The following COG3 variants were observed in gnomAD, a reference collection of about 807,000 sequenced individuals.
COG3 encodes conserved oligomeric Golgi complex subunit 3.
Under a neutral mutation model 114.1 loss-of-function variants are expected in COG3, and 32 were observed. That is an observed-to-expected ratio of 0.28 (90% CI 0.21 to 0.38). The LOEUF (loss-of-function observed/expected upper bound fraction) is 0.38, where lower values mean the gene tolerates loss of function less well. Ranked by LOEUF, COG3 falls within the 10% of genes least tolerant of loss-of-function variation. The pLI is 1.00. For missense variants in COG3, 813 were observed against 973.2 expected (o/e 0.84, Z 2.19); for synonymous variants, 352 against 365.7 (o/e 0.96, Z 0.43).
intron 1 of COG3, 106 bp downstream of exon 1, chr13:45,465,316 A>C (rs1885066594): frequency 1.4e-6 from 2 of 1,446,736 alleles, no homozygotes; most frequent in Non-Finnish European, 1.8e-6. Flanking sequence ...ATATCTCTCC[A>C]CTCCTCCCTG....
rs1873513615 is a variant in COG3, at chr13:45,535,789, AT to A, written c.*1060del. On this transcript the variant is annotated 3_prime_UTR_variant, in exon 23 of 23. Coordinates refer to ENST00000349995, the MANE Select transcript of COG3 (RefSeq NM_031431.4). Reference sequence around the variant, plus strand: ...TACCACACCATATCAGGGATCATAAATTATGCATATCTATGAATTTTCCAAC... The same window carrying A: ...TACCACACCATATCAGGGATCATAAATATGCATATCTATGAATTTTCCAAC... 3.0e-6 allele frequency: 3 copies of A among 987,626 alleles called. No homozygotes were observed. Among genetic ancestry groups the A allele is most frequent in the Middle Eastern group, 2.8e-4 (1 of 3,544 alleles). 61.2% of individuals were successfully genotyped at this position (987,626 alleles called of 1,614,324 possible). A position where few individuals can be genotyped will look rare whatever the true frequency, so the allele number is the denominator to read the frequency against.
chr13:45,486,527 C>G lies in COG3; in HGVS notation c.876C>G (p.Ala292=). 1 of 1,611,106 alleles carries G rather than the reference C, an allele frequency of 6.2e-7. No homozygotes were observed. The highest frequency in any genetic ancestry group is 1.1e-5 in the South Asian group (1 of 91,014). Reference sequence around the variant, plus strand: ...CATCTGTACCTAATGCAGACAATGCCTTCACATTATTTTATGTGAAATTTC... The same window carrying G: ...CATCTGTACCTAATGCAGACAATGCGTTCACATTATTTTATGTGAAATTTC... The part of the protein sequence containing the change: ...DPSSVPNADN[A]FTLFYVKFRA... The change falls in exon 8 of 23, where the codon GCC becomes GCG. Residue 292 remains alanine, a synonymous_variant. Coordinates refer to ENST00000349995, the MANE Select transcript of COG3 (RefSeq NM_031431.4).
At chr13:45,511,668 C>T in intron 15 of COG3, 97 bp from the exon 16 acceptor site, 1 of 856,188 alleles carries the variant, frequency 1.2e-6, no homozygotes, top group Non-Finnish European at 1.9e-6. Context: ...ACCATGAGGG[C>T]AAGCAGGCAT....
At chr13:45,512,579 C>T (rs1870983152) in intron 16 of COG3, among the ~76,000 whole-genome samples, 1 of 150,362 alleles carries the variant, frequency 6.7e-6, no homozygotes, top group Admixed American at 6.6e-5. Context: ...GTGATTTGCC[C>T]ACCTTGGCCT....
In COG3 at chr13:45,482,492, G is replaced by A. The variant is rs1886310595; in HGVS notation, c.717+19G>A. On this transcript the variant is annotated intron_variant, in intron 6 of 22. Coordinates refer to ENST00000349995, the MANE Select transcript of COG3 (RefSeq NM_031431.4). The stretch of plus-strand genomic sequence containing the variant: ...ATCTCATGTAAGTCAGAGTATTTTT[G>A]CATGTTTTAAAGAAATCCTTAGATT... The A allele has an allele frequency of 4.9e-6, 6 of 1,223,162 alleles. No homozygotes were observed. Among genetic ancestry groups the A allele is most frequent in the African/African-American group, 1.6e-5 (1 of 64,464 alleles). The allele number at this position is 1,223,162 out of a possible 1,614,324, so 75.8% of individuals were successfully genotyped here.
rs1218183144 is a variant in COG3 at position 45,534,887 on chromosome 13, A to C, written c.*156A>C. Reference sequence around the variant, plus strand: ...GCTGACTGCAGAATGAAATAGAAGCAAAGTGTTACAGGATCAGTGTTTTCT... The same window carrying C: ...GCTGACTGCAGAATGAAATAGAAGCCAAGTGTTACAGGATCAGTGTTTTCT... On this transcript the variant is annotated 3_prime_UTR_variant, in exon 23 of 23. Coordinates refer to ENST00000349995, the MANE Select transcript of COG3 (RefSeq NM_031431.4). 3 of 1,282,658 alleles carry C rather than the reference A, an allele frequency of 2.3e-6. No individual in the cohort carries two copies. Among genetic ancestry groups the C allele is most frequent in the Non-Finnish European group, 2.0e-6 (2 of 1,016,452 alleles). The allele number at this position is 1,282,658 out of a possible 1,614,324, so 79.5% of individuals were successfully genotyped here. A position where few individuals can be genotyped will look rare whatever the true frequency, so the allele number is the denominator to read the frequency against.
intron 16 of COG3, among the ~76,000 whole-genome samples, chr13:45,513,966 A>C (rs893709410): frequency 6.6e-6 from 1 of 152,168 alleles, no homozygotes; most frequent in Non-Finnish European, 1.5e-5. Context: ...ACTATGTAAT[A>C]AAATGCATTG....
chr13:45,481,196 T>A, intron 4 of COG3, 34 bp from the exon 5 acceptor site: 1 of 1,193,044 alleles, frequency 8.4e-7, no homozygotes, highest in South Asian at 1.3e-5. Flanking sequence ...TATATTCTTA[T>A]AATAATTGAT....
At chr13:45,467,710 G>A (rs1885234841) in intron 1 of COG3, among the ~76,000 whole-genome samples, 1 of 152,168 alleles carries the variant, frequency 6.6e-6, no homozygotes, top group Admixed American at 6.5e-5. Context: ...GTGTTTATAT[G>A]TCTGTTGGGA....
At chr13:45,482,514 G>C (rs1167344183) in intron 6 of COG3, 41 bp downstream of exon 6, 1 of 942,078 alleles carries the variant, frequency 1.1e-6, no homozygotes, top group African/African-American at 1.7e-5. Context: ...GAAATCCTTA[G>C]ATTCCTATTC....
chr13:45,502,616 T>C (rs1869667821), intron 13 of COG3, among the ~76,000 whole-genome samples: 1 of 152,188 alleles, frequency 6.6e-6, no homozygotes, highest in Non-Finnish European at 1.5e-5. Flanking sequence ...ATCAATTCTC[T>C]GGCTATTAAT....
intron 19 of COG3, among the ~76,000 whole-genome samples, chr13:45,524,095 ACATTATACCCTGTGTCTGCC>A (rs1309641623): frequency 3.9e-5 from 6 of 152,310 alleles, no homozygotes; most frequent in South Asian, 4.1e-4. Flanking sequence ...ATCCAAGTCA[ACATTATACCCTGTGTCTGCC>A]CATTATACCC....
intron 19 of COG3, among the ~76,000 whole-genome samples, chr13:45,523,225 C>G (rs1205235742): frequency 1.3e-5 from 2 of 149,736 alleles, no homozygotes; most frequent in Non-Finnish European, 3.0e-5. Flanking sequence ...CATTTTCTTT[C>G]AAGTAATTTG....
chr13:45,510,910 G>T (rs1431851127), intron 15 of COG3, among the ~76,000 whole-genome samples: 1 of 152,206 alleles, frequency 6.6e-6, no homozygotes, highest in African/African-American at 2.4e-5. Context: ...CCTTCCTATA[G>T]TAATAGCCTT....
At chr13:45,495,521 G>T (rs928619778) in intron 12 of COG3, among the ~76,000 whole-genome samples, 3 of 151,126 alleles carry the variant, frequency 2.0e-5, no homozygotes, top group African/African-American at 7.3e-5. Flanking sequence ...GATTACAGAT[G>T]CACACCACCA....
At chr13:45,515,329 T>G (rs1468314531) in intron 16 of COG3, among the ~76,000 whole-genome samples, 9 of 152,206 alleles carry the variant, frequency 5.9e-5, no homozygotes, top group Admixed American at 3.9e-4. Flanking sequence ...CCTTTAAAAT[T>G]TATATTGCTT....
At chr13:45,530,408 T>C (rs1220541545) in intron 21 of COG3, among the ~76,000 whole-genome samples, 1 of 152,170 alleles carries the variant, frequency 6.6e-6, no homozygotes, top group East Asian at 1.9e-4. Context: ...TTTGTTATCT[T>C]TTGTGTAAGA....
At chr13:45,508,026 G>A (rs1009171347) in intron 14 of COG3, among the ~76,000 whole-genome samples, 2 of 130,896 alleles carry the variant, frequency 1.5e-5, no homozygotes, top group African/African-American at 5.8e-5. Flanking sequence ...CTGAGATTGC[G>A]CCGCTGCACT....
At chr13:45,524,738 G>T (rs1413800810) in intron 19 of COG3, among the ~76,000 whole-genome samples, 1 of 152,148 alleles carries the variant, frequency 6.6e-6, no homozygotes, top group Non-Finnish European at 1.5e-5. Flanking sequence ...ATGATTTTTA[G>T]CAAGATAACC....
Sources: allele counts gnomAD v4.1 joint callset (sites outside exome capture counted in the v4.1 genomes callset), GRCh38; gene constraint gnomAD v4.1.1; transcripts MANE v1.5; gene names NCBI Gene and HGNC (gene_info 2026-07-23, HGNC 2026-07-21).